The following DNAJB14 variants were observed in gnomAD, a reference collection of about 807,000 sequenced individuals.
The protein encoded by DNAJB14 is dnaJ homolog subfamily B member 14.
DNAJB14 carries 22 observed loss-of-function variants against 48.4 expected under a neutral mutation model. The observed-to-expected ratio is 0.45, with a 90% confidence interval of 0.32 to 0.65. DNAJB14 has a LOEUF of 0.65. DNAJB14 is among the 30% of genes least tolerant of loss of function. The probability of loss-of-function intolerance (pLI) is 0.03; values close to 1 mark genes in which losing one functional copy is unlikely to be tolerated. For missense variants in DNAJB14, 319 were observed against 458.8 expected, an observed-to-expected ratio of 0.70 and a Z score of 2.78; for synonymous variants, 142 against 158.7, an observed-to-expected ratio of 0.89 and a Z score of 0.79.
Position 99,900,510 on chromosome 4 carries a change from G to GT in DNAJB14, c.*517dup, listed in dbSNP as rs1307990589. The GT allele has an allele frequency of 6.6e-6, 1 of 151,908 alleles. No individual in the cohort carries two copies. The highest frequency in any genetic ancestry group is 1.5e-5 in the Non-Finnish European group (1 of 67,880). 9.4% of individuals were successfully genotyped at this position (151,908 alleles called of 1,614,324 possible). Reference sequence around the variant, plus strand: ...GATTTTACACAAAGTTAAAGTTTTTGTTTTTTCTTTTTGAAAAAGTTTCAT... The same window carrying GT: ...GATTTTACACAAAGTTAAAGTTTTTGTTTTTTTCTTTTTGAAAAAGTTTCAT... On this transcript the variant is annotated 3_prime_UTR_variant, in exon 8 of 8. Coordinates refer to ENST00000442697, the MANE Select transcript of DNAJB14 (RefSeq NM_001031723.4).
chr4:99,930,569 A>G lies in DNAJB14; in HGVS notation c.186T>C (p.His62=). 6.2e-7 allele frequency: 1 copy of G among 1,612,540 alleles called. No homozygotes were observed. Among genetic ancestry groups the G allele is most frequent in the Non-Finnish European group, 8.5e-7 (1 of 1,179,188 alleles). Residue 62 remains histidine, a synonymous_variant, in exon 2 of 8, where the codon CAT becomes CAC. Transcript: ENST00000442697. The stretch of plus-strand genomic sequence containing the variant: ...CGCCACTACCTGATGGTTTTCGGCA[A>G]TGAGGGCTATTTCCAGCCGTGCTTC... ...KNGSTAGNSP[H]CRKPSGSGDQ...
chr4:99,921,066 A>G (rs1560739017), intron 3 of DNAJB14, among the ~76,000 whole-genome samples: 1 of 152,182 alleles, frequency 6.6e-6, no homozygotes, highest in African/African-American at 2.4e-5. Context: ...TGATGATGCC[A>G]TCTGTAATAT....
At chr4:99,916,819 C>G (rs550123795) in intron 3 of DNAJB14, among the ~76,000 whole-genome samples, 1 of 152,216 alleles carries the variant, frequency 6.6e-6, no homozygotes, top group East Asian at 1.9e-4. Context: ...CCCTTTACTT[C>G]CCTTTATCTT....
At chr4:99,905,154 A>G (rs539164069) in intron 6 of DNAJB14, among the ~76,000 whole-genome samples, 1 of 152,178 alleles carries the variant, frequency 6.6e-6, no homozygotes, top group Non-Finnish European at 1.5e-5. Context: ...CATAAAGTAT[A>G]TGGTGAAAAA....
chr4:99,905,461 T>C (rs1218059374), intron 6 of DNAJB14, 136 bp downstream of exon 6: 2 of 575,698 alleles, frequency 3.5e-6, no homozygotes, highest in Non-Finnish European at 6.1e-6. Context: ...AAAAATTAGA[T>C]AGAAATTTAA....
intron 3 of DNAJB14, among the ~76,000 whole-genome samples, chr4:99,915,922 A>G (rs1401106400): frequency 6.6e-6 from 1 of 152,166 alleles, no homozygotes; most frequent in African/African-American, 2.4e-5. Flanking sequence ...TTCGGTGCAT[A>G]TACATTTATG....
intron 1 of DNAJB14, among the ~76,000 whole-genome samples, chr4:99,939,833 A>G (rs1268346700): frequency 2.6e-5 from 4 of 152,354 alleles, no homozygotes; most frequent in African/African-American, 9.6e-5. Context: ...AGAATTTAGA[A>G]CACATTGGAT....
At chr4:99,906,197 C>T (rs1484261089) in intron 5 of DNAJB14, 2 of 1,338,132 alleles carry the variant, frequency 1.5e-6, no homozygotes, top group Admixed American at 2.4e-5. Context: ...AGGAAAGTTA[C>T]CTCCAATTCA....
chr4:99,938,097 C>CAAAAAAAAAAAAAAAAAAA lies in DNAJB14; in HGVS notation c.134-7495_134-7477dup, dbSNP rs59597113. On this transcript the variant is annotated intron_variant, in intron 1 of 7. Coordinates refer to ENST00000442697, the MANE Select transcript of DNAJB14 (RefSeq NM_001031723.4). ...ACATGGCGAAACCATGTTAAAAATA[C>CAAAAAAAAAAAAAAAAAAA]AAAAAAAAAAAAAAAAAAAAAAAAA... Among the ~76,000 whole-genome samples, 17 of 40,978 alleles carry CAAAAAAAAAAAAAAAAAAA rather than the reference C, an allele frequency of 4.1e-4. 1 individual carries two copies. Among genetic ancestry groups the CAAAAAAAAAAAAAAAAAAA allele is most frequent in the Non-Finnish European group, 6.2e-4 (13 of 20,842 alleles). 26.9% of individuals were successfully genotyped at this position (40,978 alleles called of 152,430 possible). A position where few individuals can be genotyped will look rare whatever the true frequency, so the allele number is the denominator to read the frequency against.
intron 2 of DNAJB14, chr4:99,924,580 T>C: frequency 1.6e-6 from 1 of 621,372 alleles, no homozygotes; most frequent in Non-Finnish European, 2.5e-6. Context: ...ATTTCCTTTA[T>C]TTAGTCAATA....
chr4:99,942,882 G>C (rs1158333635), intron 1 of DNAJB14, among the ~76,000 whole-genome samples: 1 of 152,116 alleles, frequency 6.6e-6, no homozygotes, highest in Non-Finnish European at 1.5e-5. Flanking sequence ...CGAACATTCA[G>C]TCAACTTTCT....
chr4:99,928,589 C>G (rs1335055105), intron 2 of DNAJB14: 1 of 451,058 alleles, frequency 2.2e-6, no homozygotes, highest in Non-Finnish European at 4.5e-6. Context: ...TCTACCACAC[C>G]TTGGACTACT....
Position 99,922,909 on chromosome 4 carries a change from G to T in DNAJB14, c.451+131C>A, listed in dbSNP as rs1054950014. 21 of 1,069,516 alleles carry T rather than the reference G, an allele frequency of 2.0e-5. No individual in the cohort carries two copies. In the African/African-American group the frequency reaches 3.4e-4, roughly 17 times the overall value. The allele number at this position is 1,069,516 out of a possible 1,614,324, so 66.3% of individuals were successfully genotyped here. ...AACCAGTTAATACTGAAGTTTTAAA[G>T]GATTTTCCAGACTCTTGCTTGTGCT... On this transcript the variant is annotated intron_variant, in intron 3 of 7. Coordinates refer to ENST00000442697, the MANE Select transcript of DNAJB14 (RefSeq NM_001031723.4).
At position 99,944,038 on chromosome 4, in the gene DNAJB14, CA is replaced by C. The variant is rs58677092; in HGVS notation, c.133+2400del. On this transcript the variant is annotated intron_variant, in intron 1 of 7. Coordinates refer to ENST00000442697, the MANE Select transcript of DNAJB14 (RefSeq NM_001031723.4). ...TAAATAAGGAACTCCTACAACTCAA[CA>C]AAAAAAAAACAAGTAATGTGATTTA... Among the ~76,000 whole-genome samples the C allele has an allele frequency of 1.8e-3, 267 of 144,590 alleles. 1 individual carries two copies. Among genetic ancestry groups the C allele is most frequent in the Non-Finnish European group, 3.4e-3 (226 of 65,548 alleles). 94.9% of individuals were successfully genotyped at this position (144,590 alleles called of 152,430 possible). A position where few individuals can be genotyped will look rare whatever the true frequency, so the allele number is the denominator to read the frequency against.
chr4:99,946,378 G>C, intron 1 of DNAJB14, 61 bp downstream of exon 1: 1 of 1,556,058 alleles, frequency 6.4e-7, no homozygotes, highest in Non-Finnish European at 8.7e-7. Context: ...GGTGGGGGCA[G>C]GGGCGGGCTA....
At chr4:99,936,060 T>C (rs1726663255) in intron 1 of DNAJB14, among the ~76,000 whole-genome samples, 2 of 150,886 alleles carry the variant, frequency 1.3e-5, no homozygotes, top group South Asian at 2.1e-4. Context: ...ACAGACTGTA[T>C]CAAAAAATAA....
In DNAJB14 at chr4:99,905,663, A is replaced by G. The variant is rs778212218; in HGVS notation, c.776T>C (p.Leu259Ser). 7 of 1,612,516 alleles carry G rather than the reference A, an allele frequency of 4.3e-6. No homozygotes were observed. The highest frequency in any genetic ancestry group is 5.1e-6 in the Non-Finnish European group (6 of 1,179,512). Residue 259 changes from leucine (L) to serine (S), a missense_variant, in exon 6 of 8, where the codon TTG (leucine) becomes TCG (serine). Leu to Ser is a moderately radical substitution (Grantham distance 145). Transcript: ENST00000442697. The part of the protein sequence containing the change: ...VFIQLMPIIV[L>S]ILVSLLSQLM... ...CTGGCTTAATAATGACACGAGGATCAATACAATTATGGGCATCAGCTGGAT... is the reference window on the plus strand; with the variant it reads ...CTGGCTTAATAATGACACGAGGATCGATACAATTATGGGCATCAGCTGGAT...
chr4:99,907,690 G>A (rs981708377), intron 4 of DNAJB14, among the ~76,000 whole-genome samples: 7 of 151,930 alleles, frequency 4.6e-5, no homozygotes, highest in Non-Finnish European at 1.0e-4. Flanking sequence ...TTAAAAAATA[G>A]AAAGAAATGA....
At chr4:99,943,802 G>C (rs546721684) in intron 1 of DNAJB14, among the ~76,000 whole-genome samples, 1 of 152,188 alleles carries the variant, frequency 6.6e-6, no homozygotes, top group East Asian at 1.9e-4. Flanking sequence ...AGTAGGGGAG[G>C]ATTCAAAAAT....
Sources: gnomAD v4.1 joint callset for allele counts (sites outside exome capture counted in the v4.1 genomes callset) on GRCh38, gnomAD v4.1.1 for gene constraint, MANE v1.5 for transcripts, NCBI Gene and HGNC (gene_info 2026-07-23, HGNC 2026-07-21) for gene names.